ARHGEF7: variants seen among roughly 807,000 people sequenced by gnomAD.
The protein encoded by ARHGEF7 is Rho guanine nucleotide exchange factor 7.
Under a neutral mutation model 109.8 loss-of-function variants are expected in ARHGEF7, and 33 were observed. The observed-to-expected ratio is 0.30, with a 90% confidence interval of 0.23 to 0.40. The LOEUF is 0.40. ARHGEF7 is among the 10% of genes least tolerant of loss of function. The pLI is 1.00. For synonymous variants in ARHGEF7, 458 were observed against 424.6 expected (o/e 1.08, Z -0.97); for missense variants, 938 against 1,098.5 (o/e 0.85, Z 2.07).
intron 2 of ARHGEF7, among the ~76,000 whole-genome samples, chr13:111,170,216 A>G (rs1036690398): frequency 7.5e-6 from 1 of 133,020 alleles, no homozygotes; most frequent in Non-Finnish European, 1.7e-5. Context: ...TCATGCCTCA[A>G]CCTCTCGAGT....
At chr13:111,291,457 G>A (rs1034860731) in intron 18 of ARHGEF7, among the ~76,000 whole-genome samples, 5 of 152,220 alleles carry the variant, frequency 3.3e-5, no homozygotes, top group East Asian at 3.8e-4. Context: ...AAGCTCCAGC[G>A]CGCCCTGGGA....
intron 2 of ARHGEF7, among the ~76,000 whole-genome samples, chr13:111,178,339 A>G (rs2078372716): frequency 6.6e-6 from 1 of 152,228 alleles, no homozygotes; most frequent in Admixed American, 6.5e-5. Context: ...TGCAGTCTAC[A>G]TTTAATGTGT....
intron 1 of ARHGEF7, among the ~76,000 whole-genome samples, chr13:111,141,276 C>A (rs893654806): frequency 3.3e-5 from 5 of 152,146 alleles, no homozygotes; most frequent in Non-Finnish European, 5.9e-5. Flanking sequence ...AGTTTCACTG[C>A]CCTGAAGTCC....
Position 111,273,732 on chromosome 13 carries a change from G to C in ARHGEF7, c.1074-82G>C. 1 of 1,558,754 alleles carries C rather than the reference G, an allele frequency of 6.4e-7. No homozygotes were observed. Among genetic ancestry groups the C allele is most frequent in the Non-Finnish European group, 8.8e-7 (1 of 1,133,964 alleles). ...GCAACACTTATGTTTCATAAATTCT[G>C]GCTGTTGCTCATGGAGATGAGAGAG... On this transcript the variant is annotated intron_variant, in intron 9 of 21. Transcript: ENST00000646102. This position sits in a 1 kb window ranked among gnomAD's most constrained non-coding sequence, Gnocchi z 4.5.
At chr13:111,220,344 T>C (rs1280843371) in intron 5 of ARHGEF7, among the ~76,000 whole-genome samples, 1 of 152,210 alleles carries the variant, frequency 6.6e-6, no homozygotes, top group Non-Finnish European at 1.5e-5. Context: ...AGCTGGTCTT[T>C]CTGACTTTCT....
intron 2 of ARHGEF7, among the ~76,000 whole-genome samples, chr13:111,183,274 A>G (rs1007944728): frequency 5.9e-5 from 9 of 152,064 alleles, no homozygotes; most frequent in Non-Finnish European, 1.2e-4. Flanking sequence ...ATGTACTGGG[A>G]GTTAGAAATT....
At chr13:111,282,607 C>T (rs2092829687) in intron 15 of ARHGEF7, among the ~76,000 whole-genome samples, 1 of 152,190 alleles carries the variant, frequency 6.6e-6, no homozygotes, top group South Asian at 2.1e-4. Context: ...GCCCTTGGAA[C>T]ACAACAGCAG....
chr13:111,256,841 G>T (rs1281815444), intron 8 of ARHGEF7, among the ~76,000 whole-genome samples: 3 of 152,164 alleles, frequency 2.0e-5, no homozygotes, highest in African/African-American at 7.2e-5. Context: ...ACTTCTAGTT[G>T]GCTCCTGTTC....
At position 111,155,494 on chromosome 13, in the gene ARHGEF7, A is replaced by G. The variant is rs1293596974; in HGVS notation, c.252+1503A>G. On this transcript the variant is annotated intron_variant, in intron 2 of 21. Coordinates refer to ENST00000646102, the MANE Select transcript of ARHGEF7 (RefSeq NM_001354046.2). Reference sequence around the variant, plus strand: ...AGTGAAAGTGCTAGGGGAGATTCCAAGAAACTTAGGGCCTTTTCAAAGGGG... The same window carrying G: ...AGTGAAAGTGCTAGGGGAGATTCCAGGAAACTTAGGGCCTTTTCAAAGGGG... Among the ~76,000 whole-genome samples the G allele has an allele frequency of 2.0e-5, 3 of 152,248 alleles. No individual in the cohort carries two copies. In the East Asian group the frequency reaches 5.8e-4, roughly 29 times the overall value.
chr13:111,153,885 G>C lies in ARHGEF7; in HGVS notation c.166-20G>C. ...CCCGCTGCCGGCCACGGCGCTCAGCGCTTGTGCTCTGTATTGCAGGTCTAC... is the reference window on the plus strand; with the variant it reads ...CCCGCTGCCGGCCACGGCGCTCAGCCCTTGTGCTCTGTATTGCAGGTCTAC... On this transcript the variant is annotated intron_variant, in intron 1 of 21. Coordinates refer to ENST00000646102, the MANE Select transcript of ARHGEF7 (RefSeq NM_001354046.2). 1 of 1,589,414 alleles carries C rather than the reference G, an allele frequency of 6.3e-7. No homozygotes were observed. The highest frequency in any genetic ancestry group is 8.5e-7 in the Non-Finnish European group (1 of 1,170,740).
intron 2 of ARHGEF7, among the ~76,000 whole-genome samples, chr13:111,154,951 C>T (rs949387959): frequency 6.6e-6 from 1 of 152,016 alleles, no homozygotes; most frequent in African/African-American, 2.4e-5. Context: ...CAAGGTTACC[C>T]ACCCGTGTAT....
chr13:111,294,554 A>G, intron 19 of ARHGEF7: 3 of 985,492 alleles, frequency 3.0e-6, no homozygotes, highest in Non-Finnish European at 2.4e-6. Context: ...AGATCACTGC[A>G]GAAGAATAAC....
chr13:111,163,047 C>A (rs994962364), intron 2 of ARHGEF7, among the ~76,000 whole-genome samples: 1 of 152,152 alleles, frequency 6.6e-6, no homozygotes, highest in African/African-American at 2.4e-5. Flanking sequence ...TAGCTGGGCA[C>A]CCTTCTATAC....
chr13:111,185,866 T>G (rs1023015502), intron 2 of ARHGEF7, among the ~76,000 whole-genome samples: 1 of 152,056 alleles, frequency 6.6e-6, no homozygotes, highest in Non-Finnish European at 1.5e-5. Flanking sequence ...TGTCCTTTCC[T>G]GGCTGGCAGT....
chr13:111,183,978 T>C (rs2079002517), intron 2 of ARHGEF7, among the ~76,000 whole-genome samples: 2 of 152,142 alleles, frequency 1.3e-5, no homozygotes, highest in South Asian at 4.2e-4. Context: ...CTCTGTGTGG[T>C]TGGGGTAGGA....
intron 5 of ARHGEF7, among the ~76,000 whole-genome samples, chr13:111,218,168 CT>C (rs869249587): frequency 2.7e-3 from 395 of 144,152 alleles, no homozygotes; most frequent in Admixed American, 2.8e-3. Context: ...AAGAATTGAT[CT>C]TTTTTTTTTT....
chr13:111,156,806 G>A (rs2076374313), intron 2 of ARHGEF7, among the ~76,000 whole-genome samples: 1 of 152,248 alleles, frequency 6.6e-6, no homozygotes, highest in South Asian at 2.1e-4. Flanking sequence ...GAAATGTTTT[G>A]AAACTACAGA....
rs114121592 is a variant in ARHGEF7, at chr13:111,294,882, G to A, written c.2311+2588G>A. The A allele has an allele frequency of 4.8e-3, 4,745 of 985,702 alleles. 197 individuals carry two copies. The African/African-American group carries it at 0.078, about 16-fold the overall frequency. 61.1% of individuals were successfully genotyped at this position (985,702 alleles called of 1,614,324 possible). On this transcript the variant is annotated intron_variant, in intron 19 of 21. Coordinates refer to ENST00000646102, the MANE Select transcript of ARHGEF7 (RefSeq NM_001354046.2). The stretch of plus-strand genomic sequence containing the variant: ...TAAATGGTGTTCCCTTTGAAATAAC[G>A]CTTGCCACAAGTATATAATAAGCTA...
chr13:111,209,681 G>T (rs1302647085), intron 3 of ARHGEF7, among the ~76,000 whole-genome samples, 191 bp from the exon 4 acceptor site: 1 of 152,246 alleles, frequency 6.6e-6, no homozygotes, highest in African/African-American at 2.4e-5. Flanking sequence ...TGGAAAGGTA[G>T]TTGGGGAATG....
Sources: gnomAD v4.1 joint callset for allele counts (sites outside exome capture counted in the v4.1 genomes callset) on GRCh38, gnomAD v4.1.1 for gene constraint, Gnocchi (gnomAD v3.1) non-coding constraint, MANE v1.5 for transcripts, NCBI Gene and HGNC (gene_info 2026-07-23, HGNC 2026-07-21) for gene names.